The following ACSM2B variants were observed in gnomAD, a reference collection of about 807,000 sequenced individuals.
ACSM2B encodes the protein acyl-coenzyme A synthetase ACSM2B, mitochondrial.
Under a neutral mutation model 78.6 loss-of-function variants are expected in ACSM2B, and 58 were observed. That is an observed-to-expected ratio of 0.74 (90% CI 0.60 to 0.92). The LOEUF (loss-of-function observed/expected upper bound fraction) is 0.92, where lower values mean the gene tolerates loss of function less well. Among genes scored for constraint, ACSM2B ranks in the 40% least tolerant of loss-of-function variants. The probability of loss-of-function intolerance (pLI) is 0.00; values close to 1 mark genes in which losing one functional copy is unlikely to be tolerated. For synonymous variants in ACSM2B, 257 were observed against 256.8 expected, an observed-to-expected ratio of 1.00 and a Z score of -0.01; for missense variants, 688 against 711.2, an observed-to-expected ratio of 0.97 and a Z score of 0.37.
chr16:20,546,022 G>T (rs978169619), intron 9 of ACSM2B, among the ~76,000 whole-genome samples: 16 of 152,126 alleles, frequency 1.1e-4, no homozygotes, highest in African/African-American at 3.6e-4. Context: ...AAATCATGCT[G>T]CAGGTTGGCA....
At chr16:20,540,484 C>A (rs562150506) in intron 13 of ACSM2B, among the ~76,000 whole-genome samples, 170 bp downstream of exon 13, 5 of 152,260 alleles carry the variant, frequency 3.3e-5, no homozygotes, top group African/African-American at 1.2e-4. Context: ...CTCAGGTGAT[C>A]CACCCGCCTT....
chr16:20,547,484 A>AGAAGAGTTG (rs1406512261), intron 8 of ACSM2B: 1 of 975,768 alleles, frequency 1.0e-6, no homozygotes, highest in East Asian at 1.1e-4. Flanking sequence ...AAAAAGGAGA[A>AGAAGAGTTG]GAAGAGTTGG....
In ACSM2B at chr16:20,553,810, G is replaced by C; in HGVS notation, c.707C>G (p.Ser236Trp). Reference protein sequence around the residue: ...GLPKMAEHSYSSLGLKAKMDA... With the variant: ...GLPKMAEHSYWSLGLKAKMDA... ...CATCTTGGCCTTGAGGCCCAGGCTC[G>C]AGTAGGAATGTTCTGCCATCTTGGG... The change falls in exon 5 of 14, where the codon TCG becomes TGG. Residue 236 changes from serine (S) to tryptophan (W), a missense_variant. Coordinates refer to ENST00000329697, the MANE Select transcript of ACSM2B (RefSeq NM_001105069.2). 1 of 1,612,196 alleles carries C rather than the reference G, an allele frequency of 6.2e-7. No individual in the cohort carries two copies. The highest frequency in any genetic ancestry group is 8.5e-7 in the Non-Finnish European group (1 of 1,178,614).
Position 20,548,172 on chromosome 16 carries a change from G to A in ACSM2B, c.988C>T (p.His330Tyr). The A allele has an allele frequency of 6.2e-7, 1 of 1,614,048 alleles. No individual in the cohort carries two copies. The highest frequency in any genetic ancestry group is 8.5e-7 in the Non-Finnish European group (1 of 1,179,922). The change falls in exon 8 of 14, where the codon CAT (histidine) becomes TAT (tyrosine). Residue 330 changes from histidine (H) to tyrosine (Y), a missense_variant. Coordinates refer to ENST00000329697, the MANE Select transcript of ACSM2B (RefSeq NM_001105069.2). Reference protein sequence around the residue: ...QQDLSSYKFPHLQNCLAGGES... With the variant: ...QQDLSSYKFPYLQNCLAGGES... ...CCTCCAGCGAGGCAGTTCTGTAGATGGGGGAACTTGTAACTGAAGAAGAGA... is the reference window on the plus strand; with the variant it reads ...CCTCCAGCGAGGCAGTTCTGTAGATAGGGGAACTTGTAACTGAAGAAGAGA...
intron 1 of ACSM2B, among the ~76,000 whole-genome samples, chr16:20,570,398 C>A (rs549197819): frequency 6.6e-6 from 1 of 151,924 alleles, no homozygotes; most frequent in East Asian, 1.9e-4. Context: ...TTCCTGCATC[C>A]CTGGTATGAA....
chr16:20,557,821 C>G (rs74014522), intron 3 of ACSM2B, among the ~76,000 whole-genome samples: 7,802 of 150,898 alleles, frequency 0.052, 662 homozygotes, highest in African/African-American at 0.18. Context: ...TTTGAAACTG[C>G]CTTTGGAAAA....
intron 3 of ACSM2B, among the ~76,000 whole-genome samples, chr16:20,556,016 T>C (rs12324972): frequency 0.57 from 86,385 of 151,802 alleles, 28,266 homozygotes; most frequent in Non-Finnish European, 0.74. Context: ...AAAGCGGTAT[T>C]ATAATTTTTG....
chr16:20,546,803 A>T (rs986349737), intron 8 of ACSM2B: 5 of 240,672 alleles, frequency 2.1e-5, no homozygotes, highest in Non-Finnish European at 3.1e-5. Flanking sequence ...TGGAATCACC[A>T]ATATGCAATC....
rs12600244 is a variant in ACSM2B, at chr16:20,552,010, G to C, written c.894+134C>G. 7.0e-5 allele frequency: 100 copies of C among 1,434,310 alleles called. No homozygotes were observed. The East Asian group carries it at 1.7e-3, about 25-fold the overall frequency. 88.8% of individuals were successfully genotyped at this position (1,434,310 alleles called of 1,614,324 possible). ...CGAGGTCAGGGACCATTTCCATCTCGTTTACTGAACACTGTTCTCCACATG... is the reference window on the plus strand; with the variant it reads ...CGAGGTCAGGGACCATTTCCATCTCCTTTACTGAACACTGTTCTCCACATG... On this transcript the variant is annotated intron_variant, in intron 6 of 13. Coordinates refer to ENST00000329697, the MANE Select transcript of ACSM2B (RefSeq NM_001105069.2).
intron 2 of ACSM2B, among the ~76,000 whole-genome samples, chr16:20,563,361 T>G (rs2015724558): frequency 6.6e-6 from 1 of 152,206 alleles, no homozygotes; most frequent in South Asian, 2.1e-4. Flanking sequence ...TCTTGGTTTC[T>G]ACAAGCTCAC....
intron 2 of ACSM2B, among the ~76,000 whole-genome samples, chr16:20,562,383 T>C (rs1257484192): frequency 6.6e-6 from 1 of 152,118 alleles, no homozygotes; most frequent in Non-Finnish European, 1.5e-5. Context: ...ATGTTAGCAA[T>C]TTTATTAGCT....
chr16:20,556,354 C>G (rs896141581), intron 3 of ACSM2B, among the ~76,000 whole-genome samples: 5 of 152,194 alleles, frequency 3.3e-5, no homozygotes, highest in Non-Finnish European at 5.9e-5. Context: ...GTAATCCTGG[C>G]ACTTTTGGAG....
intron 3 of ACSM2B, among the ~76,000 whole-genome samples, chr16:20,557,771 T>G (rs2015521126): frequency 1.3e-5 from 2 of 152,174 alleles, no homozygotes; most frequent in South Asian, 4.1e-4. Context: ...GATATCCTTT[T>G]AGGTTCTTTT....
intron 10 of ACSM2B, among the ~76,000 whole-genome samples, chr16:20,543,581 C>T (rs190407460): frequency 8.1e-4 from 124 of 152,278 alleles, no homozygotes; most frequent in Middle Eastern, 3.4e-3. Flanking sequence ...CATAGATATC[C>T]TAATCTCTGT....
intron 7 of ACSM2B, 40 bp from the exon 8 acceptor site, chr16:20,548,225 G>A (rs753235347): frequency 6.2e-7 from 1 of 1,613,424 alleles, no homozygotes; most frequent in Non-Finnish European, 8.5e-7. Flanking sequence ...AGCCTCCCTG[G>A]AACCAAAGTC....
At chr16:20,566,365 T>C (rs1229914539) in intron 1 of ACSM2B, among the ~76,000 whole-genome samples, 1 of 133,646 alleles carries the variant, frequency 7.5e-6, no homozygotes, top group Non-Finnish European at 1.6e-5. Context: ...AAAATATATA[T>C]CTATATAAAA....
intron 1 of ACSM2B, among the ~76,000 whole-genome samples, chr16:20,565,979 G>A (rs2015813847): frequency 6.6e-6 from 1 of 151,180 alleles, no homozygotes; most frequent in South Asian, 2.1e-4. Context: ...CATCCAGGTT[G>A]CTGCGAATGC....
chr16:20,567,280 T>C (rs1158880931), intron 1 of ACSM2B, among the ~76,000 whole-genome samples: 7 of 126,012 alleles, frequency 5.6e-5, no homozygotes, highest in African/African-American at 2.1e-4. Context: ...ATATATAATA[T>C]GTAGCATAAT....
At chr16:20,550,846 T>C (rs916866351) in intron 6 of ACSM2B, among the ~76,000 whole-genome samples, 6 of 152,198 alleles carry the variant, frequency 3.9e-5, no homozygotes, top group African/African-American at 1.4e-4. Context: ...TTGTGGGTCT[T>C]ATTTAATGGC....
Sources: allele counts gnomAD v4.1 joint callset (sites outside exome capture counted in the v4.1 genomes callset), GRCh38; gene constraint gnomAD v4.1.1; transcripts MANE v1.5; gene names NCBI Gene and HGNC (gene_info 2026-07-23, HGNC 2026-07-21).